Variants in NDST4 observed in about 807,000 individuals in gnomAD.
The protein encoded by NDST4 is N-deacetylase and N-sulfotransferase 4.
In NDST4, 63 loss-of-function variants were observed where a neutral mutation model predicts 100.8. That is an observed-to-expected ratio of 0.62 (90% confidence interval 0.51 to 0.77). NDST4 has a LOEUF of 0.77. Among genes scored for constraint, NDST4 ranks in the 30% least tolerant of loss-of-function variants. The pLI, the probability that NDST4 is intolerant of heterozygous loss-of-function variation, is 0.00. For missense variants in NDST4, 943 were observed against 1,018.4 expected (o/e 0.93, Z 1.01); for synonymous variants, 377 against 361.8 (o/e 1.04, Z -0.48).
At chr4:114,942,388 T>A (rs550615274) in intron 4 of NDST4, among the ~76,000 whole-genome samples, 10 of 152,110 alleles carry the variant, frequency 6.6e-5, no homozygotes, top group South Asian at 2.1e-4. Flanking sequence ...TTTAATTTTT[T>A]AAAAAATATA....
At chr4:114,996,912 T>C (rs994020923) in intron 2 of NDST4, among the ~76,000 whole-genome samples, 5 of 152,084 alleles carry the variant, frequency 3.3e-5, no homozygotes, top group African/African-American at 1.2e-4. Flanking sequence ...AGAAGAAATA[T>C]CTACTTACTT....
At chr4:115,091,394 C>G (rs1729516383) in intron 1 of NDST4, among the ~76,000 whole-genome samples, 1 of 151,868 alleles carries the variant, frequency 6.6e-6, no homozygotes, top group Admixed American at 6.6e-5. Context: ...ATAAAATGAA[C>G]AATATGAACA....
At chr4:114,981,815 AT>A (rs1726780227) in intron 2 of NDST4, among the ~76,000 whole-genome samples, 1 of 152,162 alleles carries the variant, frequency 6.6e-6, no homozygotes, top group Non-Finnish European at 1.5e-5. Flanking sequence ...GCATATTCAC[AT>A]TTTGATATAG....
intron 4 of NDST4, among the ~76,000 whole-genome samples, chr4:114,948,953 C>T (rs1725929225): frequency 6.6e-6 from 1 of 151,810 alleles, no homozygotes; most frequent in Non-Finnish European, 1.5e-5. Flanking sequence ...AGGGATTATC[C>T]AATTTAAATA....
chr4:114,952,797 T>G (rs1306786782), intron 4 of NDST4, among the ~76,000 whole-genome samples: 1 of 152,084 alleles, frequency 6.6e-6, no homozygotes, highest in East Asian at 1.9e-4. Context: ...AAATATGTTT[T>G]CTTGTTATTC....
chr4:115,027,228 T>G (rs891170258), intron 2 of NDST4, among the ~76,000 whole-genome samples: 2 of 152,154 alleles, frequency 1.3e-5, no homozygotes, highest in Admixed American at 6.5e-5. Flanking sequence ...CACGCATATG[T>G]TGGAGTCTTT....
intron 13 of NDST4, among the ~76,000 whole-genome samples, chr4:114,828,988 T>C (rs1723139875): frequency 6.6e-6 from 1 of 152,202 alleles, no homozygotes; most frequent in African/African-American, 2.4e-5. Context: ...AAGATGTTTA[T>C]AGTAGTAGTG....
At chr4:114,985,133 T>TG (rs1307950499) in intron 2 of NDST4, among the ~76,000 whole-genome samples, 1 of 152,192 alleles carries the variant, frequency 6.6e-6, no homozygotes, top group African/African-American at 2.4e-5. Context: ...AGGGTATTTA[T>TG]GGGGAGAAAG....
In NDST4 at chr4:115,077,058, A is replaced by T. The variant is rs201996663; in HGVS notation, c.-22T>A. 7.0e-6 allele frequency: 11 copies of T among 1,562,442 alleles called. No individual in the cohort carries two copies. The highest frequency in any genetic ancestry group is 3.8e-5 in the Admixed American group (2 of 52,122). On this transcript the variant is annotated 5_prime_UTR_variant, in exon 2 of 14. Transcript: ENST00000264363. Reference sequence around the variant, plus strand: ...TCATTTTTTAGAATAATGTTTTGGAAGCTTTTTCCCAATTTCGTTTCCTAA... The same window carrying T: ...TCATTTTTTAGAATAATGTTTTGGATGCTTTTTCCCAATTTCGTTTCCTAA...
intron 6 of NDST4, among the ~76,000 whole-genome samples, chr4:114,887,347 C>T (rs1452423607): frequency 6.6e-6 from 1 of 152,106 alleles, no homozygotes; most frequent in East Asian, 1.9e-4. Flanking sequence ...GAAATTAGCA[C>T]ACCTGTGACT....
At chr4:114,915,081 C>T (rs954343745) in intron 6 of NDST4, among the ~76,000 whole-genome samples, 7 of 152,054 alleles carry the variant, frequency 4.6e-5, no homozygotes, top group African/African-American at 1.7e-4. Flanking sequence ...AGCAGAGGTG[C>T]TATGTATGAA....
chr4:115,019,912 G>A (rs10004858), intron 2 of NDST4, among the ~76,000 whole-genome samples: 12,991 of 152,030 alleles, frequency 0.085, 1,834 homozygotes, highest in African/African-American at 0.29. Flanking sequence ...CCAGAATCAT[G>A]AGCCAAATAA....
chr4:115,023,523 A>G (rs1270625841), intron 2 of NDST4, among the ~76,000 whole-genome samples: 3 of 151,862 alleles, frequency 2.0e-5, no homozygotes, highest in African/African-American at 7.3e-5. Flanking sequence ...TCATGTAACC[A>G]AAACCACCTG....
chr4:114,846,084 T>C, intron 9 of NDST4, 87 bp from the exon 10 acceptor site: 1 of 963,110 alleles, frequency 1.0e-6, no homozygotes, highest in Non-Finnish European at 1.5e-6. Context: ...CATTTTAATA[T>C]TCATTTATAG....
intron 2 of NDST4, among the ~76,000 whole-genome samples, chr4:115,010,142 T>C (rs1268129337): frequency 7.9e-6 from 1 of 127,108 alleles, no homozygotes; most frequent in Non-Finnish European, 1.7e-5. Flanking sequence ...TCCTCAGGGA[T>C]CTAGAACTAG....
At chr4:114,865,235 T>A (rs1724002595) in intron 7 of NDST4, among the ~76,000 whole-genome samples, 1 of 152,008 alleles carries the variant, frequency 6.6e-6, no homozygotes, top group Admixed American at 6.6e-5. Flanking sequence ...TGGCTAATTT[T>A]TGTATTTTTA....
intron 2 of NDST4, among the ~76,000 whole-genome samples, chr4:115,018,793 T>G (rs1451812144): frequency 6.6e-6 from 1 of 151,954 alleles, no homozygotes; most frequent in Non-Finnish European, 1.5e-5. Flanking sequence ...TTATACATGC[T>G]TGGTAAAAAT....
intron 4 of NDST4, among the ~76,000 whole-genome samples, chr4:114,969,519 A>G (rs183177089): frequency 1.3e-4 from 20 of 152,060 alleles, no homozygotes; most frequent in African/African-American, 4.6e-4. Context: ...CTTTGTGTCC[A>G]TGTGTACTCA....
At chr4:114,853,838 G>T (rs1349740750) in intron 7 of NDST4, among the ~76,000 whole-genome samples, 2 of 151,040 alleles carry the variant, frequency 1.3e-5, no homozygotes, top group Non-Finnish European at 2.9e-5. Context: ...TAATTTTATG[G>T]CTACATAGTG....
Sources: allele counts gnomAD v4.1 joint callset (sites outside exome capture counted in the v4.1 genomes callset), GRCh38; gene constraint gnomAD v4.1.1; transcripts MANE v1.5; gene names NCBI Gene and HGNC (gene_info 2026-07-23, HGNC 2026-07-21).